The following MED12L variants were observed in gnomAD, a reference collection of about 807,000 sequenced individuals.
MED12L encodes mediator of RNA polymerase II transcription subunit 12-like protein.
In MED12L, 60 loss-of-function variants were observed where a neutral mutation model predicts 281.3. The observed-to-expected ratio is 0.21, with a 90% CI of 0.17 to 0.26. The LOEUF (loss-of-function observed/expected upper bound fraction) is 0.26, where lower values mean the gene tolerates loss of function less well. Among genes scored for constraint, MED12L ranks in the 10% least tolerant of loss-of-function variants. The probability of loss-of-function intolerance (pLI) is 1.00; values close to 1 mark genes in which losing one functional copy is unlikely to be tolerated. For synonymous variants in MED12L, 974 were observed against 987.2 expected, an observed-to-expected ratio of 0.99 and a Z score of 0.25; for missense variants, 2,146 against 2,680.9, an observed-to-expected ratio of 0.80 and a Z score of 4.41.
At chr3:151,330,026 A>C (rs944967693) in intron 16 of MED12L, among the ~76,000 whole-genome samples, 3 of 152,160 alleles carry the variant, frequency 2.0e-5, no homozygotes, top group Non-Finnish European at 4.4e-5. Flanking sequence ...GTTTTCTGAG[A>C]GGTGAAGACT....
At chr3:151,202,452 C>T (rs920796665) in intron 16 of MED12L, among the ~76,000 whole-genome samples, 2 of 152,150 alleles carry the variant, frequency 1.3e-5, no homozygotes, top group Admixed American at 6.5e-5. Flanking sequence ...GGGTGGATCA[C>T]TTGAGGTCAA....
intron 21 of MED12L, among the ~76,000 whole-genome samples, chr3:151,362,611 G>A (rs1031154823): frequency 6.6e-6 from 1 of 151,832 alleles, no homozygotes; most frequent in Non-Finnish European, 1.5e-5. Context: ...TTTATGGCCT[G>A]GCTCCTCCTT....
chr3:151,267,911 G>T (rs1294736441), intron 16 of MED12L, among the ~76,000 whole-genome samples: 1 of 152,106 alleles, frequency 6.6e-6, no homozygotes, highest in Non-Finnish European at 1.5e-5. Flanking sequence ...TGTACGTAGA[G>T]TATTTTATCA....
At chr3:151,296,853 G>T (rs942677847) in intron 16 of MED12L, among the ~76,000 whole-genome samples, 29 of 152,160 alleles carry the variant, frequency 1.9e-4, no homozygotes, top group Admixed American at 9.8e-4. Flanking sequence ...GAATGGTTTT[G>T]TTATAGAGAT....
At chr3:151,378,338 T>A (rs185244355) in intron 31 of MED12L, among the ~76,000 whole-genome samples, 165 bp downstream of exon 31, 2 of 152,192 alleles carry the variant, frequency 1.3e-5, no homozygotes, top group African/African-American at 4.8e-5. Flanking sequence ...TCCTAAAAAA[T>A]TTCAGGTTAT....
intron 16 of MED12L, among the ~76,000 whole-genome samples, chr3:151,226,159 C>T (rs144821390): frequency 3.2e-4 from 49 of 152,198 alleles, no homozygotes; most frequent in African/African-American, 1.0e-3. Flanking sequence ...ACAGTGAGCA[C>T]GTATCTAGTT....
In MED12L at chr3:151,388,618, A is replaced by G. The variant is rs142210396; in HGVS notation, c.5451+446A>G. Among the ~76,000 whole-genome samples, 216 of 152,342 alleles carry G rather than the reference A, an allele frequency of 1.4e-3. 3 individuals carry two copies. Among genetic ancestry groups the G allele is most frequent in the African/African-American group, 4.7e-3 (196 of 41,590 alleles). ...GATAAAACTTGGAGTTAGCATAGCC[A>G]ATAGGATGTTCCTGAGATTTTATGT... On this transcript the variant is annotated intron_variant, in intron 37 of 44. Transcript: ENST00000687756.
At chr3:151,245,176 A>G (rs1735130747) in intron 16 of MED12L, among the ~76,000 whole-genome samples, 1 of 152,238 alleles carries the variant, frequency 6.6e-6, no homozygotes, top group Non-Finnish European at 1.5e-5. Context: ...TCACAGCTGA[A>G]TTCTACCAGA....
At chr3:151,260,704 CT>C (rs1354833670) in intron 16 of MED12L, among the ~76,000 whole-genome samples, 2 of 152,108 alleles carry the variant, frequency 1.3e-5, no homozygotes, top group Admixed American at 6.5e-5. Flanking sequence ...TGCTGACCGG[CT>C]TTGTTTCCCA....
At chr3:151,167,845 T>C (rs1053915763) in intron 11 of MED12L, among the ~76,000 whole-genome samples, 3 of 152,296 alleles carry the variant, frequency 2.0e-5, no homozygotes, top group Middle Eastern at 3.4e-3. Context: ...TTAATACATA[T>C]AGGTGAGTTA....
At chr3:151,139,946 T>C (rs1716694439) in intron 5 of MED12L, among the ~76,000 whole-genome samples, 1 of 152,212 alleles carries the variant, frequency 6.6e-6, no homozygotes, top group African/African-American at 2.4e-5. Flanking sequence ...AGTCCCAAAT[T>C]ATTACTGCCT....
Position 151,165,408 on chromosome 3 carries a change from A to G in MED12L, c.1258-12A>G. 1.2e-6 allele frequency: 2 copies of G among 1,610,184 alleles called. No individual in the cohort carries two copies. The highest frequency in any genetic ancestry group is 1.1e-5 in the South Asian group (1 of 90,978). ...TCCAAGCACAAGTTAATTAGAAGCG[A>G]TTATCTTTCAGGTTCGGGCAAGGAT... On this transcript the variant is annotated splice_polypyrimidine_tract_variant and intron_variant, in intron 9 of 44. Coordinates refer to ENST00000687756, the MANE Select transcript of MED12L (RefSeq NM_001393769.1).
At chr3:151,137,754 A>G (rs1350618801) in intron 5 of MED12L, among the ~76,000 whole-genome samples, 3 of 152,190 alleles carry the variant, frequency 2.0e-5, no homozygotes, top group Admixed American at 6.6e-5. Flanking sequence ...TCATCTTGCT[A>G]CAAACATATT....
chr3:151,294,047 G>A, intron 16 of MED12L: 1 of 695,552 alleles, frequency 1.4e-6, no homozygotes, highest in Non-Finnish European at 2.5e-6. Context: ...TTCAAATTAT[G>A]ACCCCATTTC....
At chr3:151,148,545 G>A in intron 5 of MED12L, among the ~76,000 whole-genome samples, 1 of 152,158 alleles carries the variant, frequency 6.6e-6, no homozygotes, top group East Asian at 1.9e-4. Context: ...CACTCAGAAG[G>A]GGGTATTATT....
intron 16 of MED12L, chr3:151,212,618 C>T (rs899924432): frequency 3.3e-5 from 5 of 151,922 alleles, no homozygotes; most frequent in Non-Finnish European, 4.4e-5. Context: ...CATTAAATGA[C>T]GTAAGTCTTT....
intron 16 of MED12L, chr3:151,295,200 G>A: frequency 6.2e-7 from 1 of 1,605,234 alleles, no homozygotes; most frequent in Non-Finnish European, 8.5e-7. Context: ...TCTTGGCCGT[G>A]CAGCTCGTTA....
At chr3:151,171,045 C>T (rs1026128771) in intron 11 of MED12L, among the ~76,000 whole-genome samples, 8 of 152,222 alleles carry the variant, frequency 5.3e-5, no homozygotes, top group African/African-American at 1.9e-4. Flanking sequence ...GGCAGTGTGT[C>T]TGCTGGCCAT....
chr3:151,375,970 C>CATATATATATATATATAT (rs148538586), intron 27 of MED12L, 56 bp from the exon 28 acceptor site: 13,509 of 807,142 alleles, frequency 0.017, 238 homozygotes, highest in African/African-American at 0.029. Context: ...GTACATATTG[C>CATATATATATATATATAT]ATATATATAT....
Sources: allele counts gnomAD v4.1 joint callset (sites outside exome capture counted in the v4.1 genomes callset), GRCh38; gene constraint gnomAD v4.1.1; transcripts MANE v1.5; gene names NCBI Gene and HGNC (gene_info 2026-07-23, HGNC 2026-07-21).